ATM: variants seen among roughly 807,000 people sequenced by gnomAD.
ATM encodes the protein ATM serine/threonine kinase.
A neutral mutation model predicts 387.0 loss-of-function variants in ATM; 308 were observed. The ratio of observed to expected loss-of-function variants is 0.80; its 90% CI spans 0.73 to 0.87. The LOEUF (loss-of-function observed/expected upper bound fraction) is 0.87, where lower values mean the gene tolerates loss of function less well. ATM is among the 40% of genes least tolerant of loss of function. ATM has a pLI of 0.00. For missense variants in ATM, 3,312 were observed against 3,560.9 expected (o/e 0.93, Z 1.78); for synonymous variants, 1,156 against 1,187.3 (o/e 0.97, Z 0.54).
chr11:108,280,096 T>C (rs1235054255), intron 23 of ATM, among the ~76,000 whole-genome samples: 2 of 152,214 alleles, frequency 1.3e-5, no homozygotes, highest in East Asian at 3.8e-4. Flanking sequence ...TATGCCCTGG[T>C]TTGTTTCTTA....
chr11:108,287,465 C>T, intron 26 of ATM, 135 bp from the exon 27 acceptor site: 1 of 571,066 alleles, frequency 1.8e-6, no homozygotes. Context: ...TCTTGTAAAT[C>T]TTGGACTTTG....
At chr11:108,327,785 A>G (rs772522124) in intron 48 of ATM, 27 bp downstream of exon 48, 29 of 1,503,388 alleles carry the variant, frequency 1.9e-5, no homozygotes, top group Non-Finnish European at 2.6e-5. Flanking sequence ...AACCCTTAAG[A>G]TAGTTACTTA....
chr11:108,362,873 G>A (rs368462576), intron 61 of ATM, among the ~76,000 whole-genome samples: 20 of 151,160 alleles, frequency 1.3e-4, no homozygotes, highest in African/African-American at 4.6e-4. Flanking sequence ...TGGGTGCAGC[G>A]CACCAGCATG....
chr11:108,331,377 C>T, intron 50 of ATM, 67 bp from the exon 51 acceptor site: 4 of 1,555,460 alleles, frequency 2.6e-6, no homozygotes, highest in Non-Finnish European at 3.5e-6. Flanking sequence ...AAATAACTTA[C>T]TTGCTTAGAT....
intron 3 of ATM, among the ~76,000 whole-genome samples, chr11:108,228,957 A>C (rs1352942992): frequency 6.6e-6 from 1 of 152,240 alleles, no homozygotes; most frequent in South Asian, 2.1e-4. Flanking sequence ...ATAGAAAGTC[A>C]TAGAAGATTA....
At position 108,280,981 on chromosome 11, in the gene ATM, A is replaced by AT. The variant is rs1555091097; in HGVS notation, c.3403-14_3403-13insT. 6.8e-7 allele frequency: 1 copy of AT among 1,462,220 alleles called. No homozygotes were observed. Among genetic ancestry groups the AT allele is most frequent in the Admixed American group, 2.3e-5 (1 of 43,560 alleles). The allele number at this position is 1,462,220 out of a possible 1,614,324, so 90.6% of individuals were successfully genotyped here. On this transcript the variant is annotated splice_polypyrimidine_tract_variant and intron_variant, in intron 23 of 62. Transcript: ENST00000675843. ...ACATTTTACATTACATTTTTTTTTT[A>AT]ATTTCTTTTTAAGTCCCATAGTGCT...
In ATM at chr11:108,365,639, G is replaced by T; in HGVS notation, c.*131G>T. 8.9e-7 allele frequency: 1 copy of T among 1,127,294 alleles called. No individual in the cohort carries two copies. The highest frequency in any genetic ancestry group is 1.3e-6 in the Non-Finnish European group (1 of 796,838). The allele number at this position is 1,127,294 out of a possible 1,614,324, so 69.8% of individuals were successfully genotyped here. On this transcript the variant is annotated 3_prime_UTR_variant, in exon 63 of 63. Transcript: ENST00000675843. ...ACTATTGTGGGTTTTTTTGAATGTT[G>T]GTTTTAATACTTGATTTAATCACCA...
At chr11:108,252,247 G>A (rs55941752) in intron 11 of ATM, among the ~76,000 whole-genome samples, 2 of 152,128 alleles carry the variant, frequency 1.3e-5, no homozygotes, top group East Asian at 3.8e-4. Flanking sequence ...TGAGAATATG[G>A]GGGATGTGCA....
At chr11:108,236,000 T>C (rs775853077) in intron 5 of ATM, 166 bp downstream of exon 5, 9 of 714,268 alleles carry the variant, frequency 1.3e-5, no homozygotes, top group Non-Finnish European at 2.1e-5. Flanking sequence ...TTTTATTTAT[T>C]ATGTAGCTTT....
intron 5 of ATM, among the ~76,000 whole-genome samples, chr11:108,238,718 C>T (rs1378100618): frequency 1.3e-5 from 2 of 151,904 alleles, no homozygotes; most frequent in African/African-American, 4.8e-5. Context: ...CTTCTGTAAG[C>T]AGTAATTTTT....
intron 49 of ATM, 56 bp downstream of exon 49, chr11:108,329,294 T>G: frequency 6.8e-7 from 1 of 1,463,760 alleles, no homozygotes; most frequent in Non-Finnish European, 9.5e-7. Flanking sequence ...TGAGTGAGTG[T>G]TTTTGCATAG....
At chr11:108,354,060 C>T (rs1375891709) in intron 60 of ATM, among the ~76,000 whole-genome samples, 180 bp downstream of exon 60, 1 of 105,246 alleles carries the variant, frequency 9.5e-6, no homozygotes, top group Non-Finnish European at 2.0e-5. Context: ...TAAAAAAATA[C>T]ACACACACAA....
chr11:108,321,458 G>A (rs2085212807), intron 45 of ATM, 38 bp downstream of exon 45: 1 of 1,613,416 alleles, frequency 6.2e-7, no homozygotes, highest in African/African-American at 1.3e-5. Flanking sequence ...CTAAAGTGCA[G>A]CTTTTCTGTT....
At chr11:108,295,839 G>A (rs1215755730) in intron 32 of ATM, 6 of 151,804 alleles carry the variant, frequency 4.0e-5, no homozygotes, top group East Asian at 1.9e-4. Context: ...ATTTTTTTTA[G>A]TAGAGACGGG....
intron 5 of ATM, 82 bp from the exon 6 acceptor site, chr11:108,243,871 G>A: frequency 1.6e-6 from 2 of 1,272,692 alleles, no homozygotes; most frequent in Non-Finnish European, 2.2e-6. Flanking sequence ...ATGGGATTAT[G>A]GAATATTTAA....
In ATM at chr11:108,268,304, C is replaced by G. The variant is rs1019433266; in HGVS notation, c.2639-106C>G. On this transcript the variant is annotated intron_variant, in intron 17 of 62. Coordinates refer to ENST00000675843, the MANE Select transcript of ATM (RefSeq NM_000051.4). The stretch of plus-strand genomic sequence containing the variant: ...TATAATTAATTTCACTATAATTTTG[C>G]TTTTCATATACTTTTTTTTGTGAAG... 8.9e-5 allele frequency: 92 copies of G among 1,036,590 alleles called. No homozygotes were observed. In the Admixed American group the frequency reaches 1.8e-3, roughly 20 times the overall value. The allele number at this position is 1,036,590 out of a possible 1,614,324, so 64.2% of individuals were successfully genotyped here.
At chr11:108,291,443 C>T (rs2135785967) in intron 29 of ATM, among the ~76,000 whole-genome samples, 1 of 152,292 alleles carries the variant, frequency 6.6e-6, no homozygotes, top group South Asian at 2.1e-4. Flanking sequence ...GCAACCATCA[C>T]CACTGTCTAT....
chr11:108,282,557 T>C (rs1186041427), intron 24 of ATM, among the ~76,000 whole-genome samples, 153 bp from the exon 25 acceptor site: 1 of 152,210 alleles, frequency 6.6e-6, no homozygotes, highest in Non-Finnish European at 1.5e-5. Flanking sequence ...TTGAGTACAT[T>C]TTCTTAATTA....
At chr11:108,299,678 C>G (rs1490359947) in intron 33 of ATM, 36 bp from the exon 34 acceptor site, 2 of 1,599,618 alleles carry the variant, frequency 1.3e-6, no homozygotes, top group South Asian at 2.2e-5. Context: ...TGATCTCTTA[C>G]CTATGACTCT....
Sources: allele counts gnomAD v4.1 joint callset (sites outside exome capture counted in the v4.1 genomes callset), GRCh38; gene constraint gnomAD v4.1.1; transcripts MANE v1.5; gene names NCBI Gene and HGNC (gene_info 2026-07-23, HGNC 2026-07-21).